The following ERC2 variants were observed in gnomAD, a reference collection of about 807,000 sequenced individuals.
The protein encoded by ERC2 is ELKS/RAB6-interacting/CAST family member 2.
Under a neutral mutation model 114.8 loss-of-function variants are expected in ERC2, and 42 were observed. The ratio of observed to expected loss-of-function variants is 0.37; its 90% CI spans 0.29 to 0.47. The LOEUF is 0.47. Ranked by LOEUF, ERC2 falls within the 20% of genes least tolerant of loss-of-function variation. The pLI, the probability that ERC2 is intolerant of heterozygous loss-of-function variation, is 0.99. For missense variants in ERC2, 939 were observed against 1,150.7 expected (o/e 0.82, Z 2.66); for synonymous variants, 454 against 425.5 (o/e 1.07, Z -0.82).
At chr3:55,533,669 G>A (rs763431591) in intron 17 of ERC2, among the ~76,000 whole-genome samples, 24 of 152,186 alleles carry the variant, frequency 1.6e-4, no homozygotes, top group Non-Finnish European at 3.2e-4. Context: ...GGGCTGGTGT[G>A]GAGAGATCAG....
At chr3:56,404,572 ATAAT>A in intron 2 of ERC2, among the ~76,000 whole-genome samples, 1 of 152,352 alleles carries the variant, frequency 6.6e-6, no homozygotes, top group East Asian at 1.9e-4. Context: ...AGCTAAGAGT[ATAAT>A]TAGATTGTAA....
intron 17 of ERC2, among the ~76,000 whole-genome samples, chr3:55,555,208 C>A (rs1349603790): frequency 2.0e-5 from 3 of 152,226 alleles, no homozygotes; most frequent in African/African-American, 4.8e-5. Flanking sequence ...AACTCTGCAT[C>A]CACAACTACT....
At chr3:55,780,230 A>G (rs1452693438) in intron 14 of ERC2, among the ~76,000 whole-genome samples, 1 of 152,222 alleles carries the variant, frequency 6.6e-6, no homozygotes. Flanking sequence ...GTAAAAGAGA[A>G]GCTTACCTGG....
chr3:56,098,724 A>T (rs987202045), intron 6 of ERC2, among the ~76,000 whole-genome samples: 4 of 152,168 alleles, frequency 2.6e-5, no homozygotes, highest in African/African-American at 9.6e-5. Flanking sequence ...CTAAGGCCAC[A>T]TCCAGACTTG....
chr3:56,369,984 C>T (rs749748251), intron 2 of ERC2, among the ~76,000 whole-genome samples: 5 of 152,150 alleles, frequency 3.3e-5, no homozygotes, highest in Non-Finnish European at 7.4e-5. Context: ...CTGGATACTA[C>T]TTCTTTTATG....
At chr3:55,589,219 A>T (rs1216378078) in intron 17 of ERC2, among the ~76,000 whole-genome samples, 4 of 148,232 alleles carry the variant, frequency 2.7e-5, no homozygotes, top group African/African-American at 1.0e-4. Flanking sequence ...CACTACCAAA[A>T]AAAAAAAAAA....
At chr3:56,420,438 A>G (rs2061342208) in intron 2 of ERC2, among the ~76,000 whole-genome samples, 1 of 152,016 alleles carries the variant, frequency 6.6e-6, no homozygotes, top group African/African-American at 2.4e-5. Context: ...TCTGTCTCAC[A>G]AAGTGCTAGG....
At chr3:55,606,188 G>T (rs1357570173) in intron 17 of ERC2, among the ~76,000 whole-genome samples, 1 of 152,154 alleles carries the variant, frequency 6.6e-6, no homozygotes, top group Non-Finnish European at 1.5e-5. Flanking sequence ...GGGGTTTAGG[G>T]GTTCAGTAGG....
intron 8 of ERC2, among the ~76,000 whole-genome samples, chr3:56,015,871 TG>T (rs1199106370): frequency 6.6e-6 from 1 of 152,206 alleles, no homozygotes; most frequent in Non-Finnish European, 1.5e-5. Flanking sequence ...CAGCATCTGT[TG>T]TTTCTTGACA....
chr3:56,145,798 CACTT>C (rs1238736026), intron 5 of ERC2, among the ~76,000 whole-genome samples: 4 of 152,208 alleles, frequency 2.6e-5, no homozygotes, highest in Non-Finnish European at 4.4e-5. Context: ...CATTCACTGA[CACTT>C]AATTTAATCA....
intron 4 of ERC2, among the ~76,000 whole-genome samples, chr3:56,170,595 T>TGTG (rs60302237): frequency 1.1e-4 from 14 of 132,258 alleles, no homozygotes; most frequent in Non-Finnish European, 1.6e-4. Context: ...GTTTTTTTTT[T>TGTG]TTTTTTTTTT....
intron 6 of ERC2, among the ~76,000 whole-genome samples, chr3:56,124,127 T>C (rs1396052113): frequency 1.3e-5 from 2 of 152,242 alleles, no homozygotes; most frequent in Non-Finnish European, 2.9e-5. Context: ...AAGTGTTTAA[T>C]AAATGTGATA....
At chr3:55,854,386 TTTTGG>T (rs538567365) in intron 14 of ERC2, among the ~76,000 whole-genome samples, 13 of 152,206 alleles carry the variant, frequency 8.5e-5, no homozygotes, top group South Asian at 2.1e-4. Context: ...TTTGTTTTGG[TTTTGG>T]TTTGGTTTGG....
intron 10 of ERC2, among the ~76,000 whole-genome samples, chr3:56,004,280 G>A (rs904134800): frequency 2.0e-5 from 3 of 151,862 alleles, no homozygotes; most frequent in Admixed American, 6.6e-5. Context: ...CTCAACTCTT[G>A]GGTGTCTACT....
Position 55,627,200 on chromosome 3 carries a change from G to A in ERC2, c.*39+56594C>T, listed in dbSNP as rs1236270971. Among the ~76,000 whole-genome samples the A allele has an allele frequency of 2.0e-5, 3 of 152,220 alleles. No individual in the cohort carries two copies. In the East Asian group the frequency reaches 5.8e-4, roughly 29 times the overall value. ...TTTCTTCTTTTGGCCGGGTGTGGTG[G>A]CTCACGCCTGTAATCCCAGCAATTT... On this transcript the variant is annotated intron_variant, in intron 17 of 17. Transcript: ENST00000288221.
chr3:56,461,619 G>A (rs1264605445), intron 1 of ERC2, among the ~76,000 whole-genome samples: 1 of 152,192 alleles, frequency 6.6e-6, no homozygotes, highest in Non-Finnish European at 1.5e-5. Context: ...ACAACCTGTG[G>A]AATAACAAAG....
At chr3:56,153,385 T>G (rs1388418802) in intron 4 of ERC2, among the ~76,000 whole-genome samples, 1 of 152,150 alleles carries the variant, frequency 6.6e-6, no homozygotes, top group East Asian at 1.9e-4. Context: ...TCAGAACTAT[T>G]GAATCCAAAT....
intron 13 of ERC2, among the ~76,000 whole-genome samples, chr3:55,930,844 C>T (rs2066036153): frequency 6.6e-6 from 1 of 151,968 alleles, no homozygotes; most frequent in Non-Finnish European, 1.5e-5. Flanking sequence ...AAAATTTTTG[C>T]AATCTATCCA....
chr3:55,640,084 A>C (rs2060114152), intron 17 of ERC2, among the ~76,000 whole-genome samples: 1 of 152,154 alleles, frequency 6.6e-6, no homozygotes, highest in Non-Finnish European at 1.5e-5. Flanking sequence ...GCCACAATTC[A>C]CACGTCCTGT....
Sources: gnomAD v4.1 joint callset for allele counts (sites outside exome capture counted in the v4.1 genomes callset) on GRCh38, gnomAD v4.1.1 for gene constraint, MANE v1.5 for transcripts, NCBI Gene and HGNC (gene_info 2026-07-23, HGNC 2026-07-21) for gene names.